ZNF704: variants seen among roughly 807,000 people sequenced by gnomAD.
ZNF704 encodes glucocorticoid induced gene 1.
Under a neutral mutation model 44.7 loss-of-function variants are expected in ZNF704, and 10 were observed. The ratio of observed to expected loss-of-function variants is 0.22; its 90% CI spans 0.14 to 0.38. ZNF704 has a LOEUF of 0.38. Among genes scored for constraint, ZNF704 ranks in the 10% least tolerant of loss-of-function variants. The pLI is 1.00. For synonymous variants in ZNF704, 211 were observed against 207.6 expected (o/e 1.02, Z -0.14); for missense variants, 390 against 545.5 (o/e 0.71, Z 2.84).
At chr8:80,845,121 T>C (rs527256508) in intron 1 of ZNF704, among the ~76,000 whole-genome samples, 1 of 152,196 alleles carries the variant, frequency 6.6e-6, no homozygotes, top group Non-Finnish European at 1.5e-5. Flanking sequence ...ATTTTTAGCC[T>C]TTCAGGAACA....
chr8:80,867,526 A>G (rs1258201191), intron 1 of ZNF704, among the ~76,000 whole-genome samples: 1 of 152,114 alleles, frequency 6.6e-6, no homozygotes, highest in African/African-American at 2.4e-5. Context: ...CTGCATAGTC[A>G]GTGCCCTCGG....
At chr8:80,788,309 A>T (rs1367509467) in intron 2 of ZNF704, among the ~76,000 whole-genome samples, 2 of 152,230 alleles carry the variant, frequency 1.3e-5, no homozygotes, top group African/African-American at 4.8e-5. Context: ...TTTAACAACA[A>T]ATCATAAAGA....
At chr8:80,784,609 GT>G (rs943971019) in intron 2 of ZNF704, among the ~76,000 whole-genome samples, 29 of 152,016 alleles carry the variant, frequency 1.9e-4, no homozygotes, top group African/African-American at 6.8e-4. Flanking sequence ...TAATTGGGTT[GT>G]TTTTTTATTT....
chr8:80,739,088 A>C (rs562865031), intron 2 of ZNF704, among the ~76,000 whole-genome samples: 11 of 152,212 alleles, frequency 7.2e-5, no homozygotes, highest in Non-Finnish European at 1.3e-4. Flanking sequence ...CCCAAAATCC[A>C]CTCAGGTAAT....
At chr8:80,783,928 G>A (rs577789121) in intron 2 of ZNF704, among the ~76,000 whole-genome samples, 14 of 152,026 alleles carry the variant, frequency 9.2e-5, no homozygotes, top group Non-Finnish European at 1.8e-4. Flanking sequence ...TCTTTTTACT[G>A]TCTCCACAAT....
intron 4 of ZNF704, among the ~76,000 whole-genome samples, chr8:80,682,467 G>A (rs994408911): frequency 6.6e-6 from 1 of 152,236 alleles, no homozygotes; most frequent in Non-Finnish European, 1.5e-5. Flanking sequence ...CCAATGTTCT[G>A]AAATGCAGAG....
At chr8:80,648,734 T>C (rs1420314869) in intron 7 of ZNF704, among the ~76,000 whole-genome samples, 2 of 152,206 alleles carry the variant, frequency 1.3e-5, no homozygotes, top group Non-Finnish European at 1.5e-5. Flanking sequence ...GTTATCTATT[T>C]TAATCTTCGC....
rs1462847719 is a variant in ZNF704 at position 80,874,444 on chromosome 8, T to A, written c.-22+127A>T. On this transcript the variant is annotated intron_variant, in intron 1 of 8. Coordinates refer to ENST00000327835, the MANE Select transcript of ZNF704 (RefSeq NM_001033723.3). This position sits in a 1 kb window ranked among gnomAD's most constrained non-coding sequence, Gnocchi z 4.4. ...GCGCGCTCCGGGCCTACCGCTGCCG[T>A]GCCTCGGCGCGAGCTGTTTGTGTTG... 6.6e-6 allele frequency: 1 copy of A among 150,602 alleles called. No homozygotes were observed. Among genetic ancestry groups the A allele is most frequent in the Non-Finnish European group, 1.5e-5 (1 of 67,554 alleles). 9.3% of individuals were successfully genotyped at this position (150,602 alleles called of 1,614,324 possible).
At chr8:80,772,709 G>A (rs926708089) in intron 2 of ZNF704, among the ~76,000 whole-genome samples, 2 of 152,008 alleles carry the variant, frequency 1.3e-5, no homozygotes, top group African/African-American at 4.8e-5. Context: ...AATCCTCTCA[G>A]GGATCTCTGT....
At chr8:80,765,220 C>A (rs963359633) in intron 2 of ZNF704, among the ~76,000 whole-genome samples, 1 of 152,148 alleles carries the variant, frequency 6.6e-6, no homozygotes, top group African/African-American at 2.4e-5. Context: ...AAGTCTGCCC[C>A]AGCTCTCAAA....
chr8:80,669,950 A>C lies in ZNF704; in HGVS notation c.659+553T>G, dbSNP rs118084891. On this transcript the variant is annotated intron_variant, in intron 5 of 8. Coordinates refer to ENST00000327835, the MANE Select transcript of ZNF704 (RefSeq NM_001033723.3). ...ATAAATGGCTTATCTGAGCAACAGA[A>C]AGTGATTTCGTAAGAACAGCAACAG... Among the ~76,000 whole-genome samples, 501 of 152,372 alleles carry C rather than the reference A, an allele frequency of 3.3e-3. 3 individuals carry two copies. Among genetic ancestry groups the C allele is most frequent in the South Asian group, 8.7e-3 (42 of 4,826 alleles).
At chr8:80,777,690 C>A (rs1330718080) in intron 2 of ZNF704, among the ~76,000 whole-genome samples, 1 of 152,036 alleles carries the variant, frequency 6.6e-6, no homozygotes, top group Non-Finnish European at 1.5e-5. Flanking sequence ...ACCAGCCTGA[C>A]CAACATGGCA....
Position 80,815,907 on chromosome 8 carries a change from G to C in ZNF704, c.221+5467C>G, listed in dbSNP as rs558747172. 2.0e-5 allele frequency among the ~76,000 whole-genome samples: 3 copies of C among 152,320 alleles called. No individual in the cohort carries two copies. The South Asian group carries it at 6.2e-4, about 32-fold the overall frequency. On this transcript the variant is annotated intron_variant, in intron 2 of 8. Coordinates refer to ENST00000327835, the MANE Select transcript of ZNF704 (RefSeq NM_001033723.3). Reference sequence around the variant, plus strand: ...CAGTTGCAAGCACTGGTTCTGTAGAGTGAATGAACATAACTATGTTTCTAG... The same window carrying C: ...CAGTTGCAAGCACTGGTTCTGTAGACTGAATGAACATAACTATGTTTCTAG...
At chr8:80,785,656 G>A (rs950874357) in intron 2 of ZNF704, among the ~76,000 whole-genome samples, 3 of 152,126 alleles carry the variant, frequency 2.0e-5, no homozygotes, top group Non-Finnish European at 4.4e-5. Flanking sequence ...CCTTCTGTTA[G>A]ATCTTGTGCT....
intron 6 of ZNF704, among the ~76,000 whole-genome samples, chr8:80,660,072 C>T (rs1453397326): frequency 1.3e-5 from 2 of 152,114 alleles, no homozygotes; most frequent in East Asian, 1.9e-4. Context: ...GGTAATTTGA[C>T]AATACATATA....
chr8:80,831,884 T>C (rs908084161), intron 1 of ZNF704, among the ~76,000 whole-genome samples: 13 of 152,208 alleles, frequency 8.5e-5, no homozygotes, highest in Admixed American at 2.0e-4. Context: ...CACATTAGGA[T>C]TGATTTAAAG....
intron 1 of ZNF704, among the ~76,000 whole-genome samples, chr8:80,860,336 C>T (rs1268645152): frequency 6.6e-6 from 1 of 152,156 alleles, no homozygotes; most frequent in Non-Finnish European, 1.5e-5. Context: ...TGGAATAGAA[C>T]ACACTGGGTG....
chr8:80,764,133 T>G (rs1483649648), intron 2 of ZNF704, among the ~76,000 whole-genome samples: 1 of 152,232 alleles, frequency 6.6e-6, no homozygotes, highest in Non-Finnish European at 1.5e-5. Flanking sequence ...AGTTCCAAAG[T>G]TGCTTCTACA....
chr8:80,819,550 G>GA (rs61039141), intron 2 of ZNF704, among the ~76,000 whole-genome samples: 8,921 of 121,726 alleles, frequency 0.073, 301 homozygotes, highest in Non-Finnish European at 0.091. Flanking sequence ...ACAGACTTAG[G>GA]AAAAAAAAAA....
Sources: allele counts gnomAD v4.1 joint callset (sites outside exome capture counted in the v4.1 genomes callset), GRCh38; gene constraint gnomAD v4.1.1; non-coding constraint Gnocchi (gnomAD v3.1); transcripts MANE v1.5; gene names NCBI Gene and HGNC (gene_info 2026-07-23, HGNC 2026-07-21).